The following CTTN variants were observed in gnomAD, a reference collection of about 807,000 sequenced individuals.
CTTN encodes src substrate cortactin.
A neutral mutation model predicts 84.0 loss-of-function variants in CTTN; 28 were observed. The ratio of observed to expected loss-of-function variants is 0.33; its 90% confidence interval spans 0.25 to 0.46. CTTN has a LOEUF of 0.46. Among genes scored for constraint, CTTN ranks in the 20% least tolerant of loss-of-function variants. CTTN has a pLI of 1.00. For missense variants in CTTN, 641 were observed against 723.8 expected, an observed-to-expected ratio of 0.89 and a Z score of 1.31; for synonymous variants, 301 against 288.8, an observed-to-expected ratio of 1.04 and a Z score of -0.43.
chr11:70,419,987 A>T (rs2058211783), intron 9 of CTTN, 131 bp downstream of exon 9: 1 of 693,656 alleles, frequency 1.4e-6, no homozygotes, highest in Non-Finnish European at 2.5e-6. Context: ...TGAAATGCCC[A>T]ACTTGAAAAC....
At chr11:70,427,049 C>T (rs1226820001) in intron 13 of CTTN, among the ~76,000 whole-genome samples, 1 of 151,150 alleles carries the variant, frequency 6.6e-6, no homozygotes, top group African/African-American at 2.4e-5. Context: ...AATTGGTTCA[C>T]TTAAAAAGAA....
rs1396112443 is a variant in CTTN, at chr11:70,429,144, C to T, written c.1121C>T (p.Ala374Val). Residue 374 changes from alanine to valine, a missense_variant, in exon 14 of 18, where the codon GCC becomes GTC. By Grantham distance (64) the Ala-to-Val change is moderately conservative. Transcript: ENST00000301843. ...AGGCGGAAGGCGGAGGCGGAGAGAG[C>T]CCAGCGGATGGCCAAGGAGCGGCAG... ...EDRRKAEAER[A>V]QRMAKERQEQ... The T allele has an allele frequency of 6.2e-7, 1 of 1,613,982 alleles. No homozygotes were observed. Among genetic ancestry groups the T allele is most frequent in the South Asian group, 1.1e-5 (1 of 91,072 alleles).
chr11:70,432,243 C>A (rs1299245743), intron 15 of CTTN, among the ~76,000 whole-genome samples: 1 of 152,188 alleles, frequency 6.6e-6, no homozygotes, highest in Non-Finnish European at 1.5e-5. Flanking sequence ...CTAGTCCCTC[C>A]CCTTGGCAGC....
chr11:70,401,337 G>A lies in CTTN; in HGVS notation c.-98+2723G>A, dbSNP rs545499050. 2.1e-3 allele frequency among the ~76,000 whole-genome samples: 315 copies of A among 152,148 alleles called. 1 individual carries two copies. Among genetic ancestry groups the A allele is most frequent in the Middle Eastern group, 3.4e-3 (1 of 294 alleles). On this transcript the variant is annotated intron_variant, in intron 1 of 17. Transcript: ENST00000301843. The stretch of plus-strand genomic sequence containing the variant: ...AAAAAATACAAAAAATTAGCCGGGC[G>A]TGGTGGTATATGCCTGTAGTCCCAG...
Position 70,407,340 on chromosome 11 carries a change from G to A in CTTN, c.43G>A (p.Asp15Asn). The change falls in exon 3 of 18, where the codon GAT becomes AAT. Residue 15 changes from aspartate to asparagine, a missense_variant. By Grantham distance (23) the Asp-to-Asn change is conservative. Transcript: ENST00000301843. ...SAGHAVSIAQ[D>N]DAGADDWETD... is the part of the protein sequence containing the mutation. ...AGGCCACGCTGTGTCCATCGCCCAG[G>A]ATGACGCGGGGGCCGATGACTGGGA... 1.3e-6 allele frequency: 2 copies of A among 1,561,972 alleles called. No homozygotes were observed. The highest frequency in any genetic ancestry group is 1.7e-6 in the Non-Finnish European group (2 of 1,153,060).
chr11:70,424,830 G>A (rs2058283022), intron 12 of CTTN, among the ~76,000 whole-genome samples: 2 of 152,100 alleles, frequency 1.3e-5, no homozygotes, highest in South Asian at 2.1e-4. Flanking sequence ...AACTGGGTAC[G>A]GCCACTGGTC....
In CTTN at chr11:70,431,284, G is replaced by T. The variant is rs781734005; in HGVS notation, c.1266+4G>T. ...GCCCTCGAGCCCCGTCTATGAGGTT[G>T]GTGTCTTTGGTGTTTGAATGAGCGT... On this transcript the variant is annotated splice_donor_region_variant and intron_variant, in intron 15 of 17. Transcript: ENST00000301843. The T allele has an allele frequency of 5.0e-6, 8 of 1,614,024 alleles. No individual in the cohort carries two copies. The highest frequency in any genetic ancestry group is 5.9e-6 in the Non-Finnish European group (7 of 1,179,918).
intron 13 of CTTN, among the ~76,000 whole-genome samples, chr11:70,428,325 C>T (rs1006538625): frequency 1.3e-5 from 2 of 151,808 alleles, no homozygotes; most frequent in East Asian, 3.9e-4. Context: ...GCCACCAAGC[C>T]CAGCTAATTT....
rs1565501347 is a variant in CTTN at position 70,433,221 on chromosome 11, G to A, written c.1387G>A (p.Ala463Thr). 9 of 1,613,294 alleles carry A rather than the reference G, an allele frequency of 5.6e-6. No homozygotes were observed. Among genetic ancestry groups the A allele is most frequent in the Non-Finnish European group, 6.8e-6 (8 of 1,179,994 alleles). Reference protein sequence around the residue: ...YREASSQQGLAYATEAVYESA... With the variant: ...YREASSQQGLTYATEAVYESA... ...AGAGGCCAGCAGCCAGCAGGGCCTGGCCTATGCCACAGAGGCTGTCTATGA... is the reference window on the plus strand; with the variant it reads ...AGAGGCCAGCAGCCAGCAGGGCCTGACCTATGCCACAGAGGCTGTCTATGA... The change falls in exon 16 of 18, where the codon GCC (alanine) becomes ACC (threonine). Residue 463 changes from alanine to threonine, a missense_variant. Ala to Thr is a moderately conservative substitution (Grantham distance 58). Transcript: ENST00000301843.
chr11:70,407,855 T>C (rs1288601612), intron 4 of CTTN: 2 of 451,838 alleles, frequency 4.4e-6, no homozygotes, highest in Non-Finnish European at 7.8e-6. Flanking sequence ...GTATTTATAA[T>C]TTTAGAGTGT....
At chr11:70,408,224 CT>C (rs2058064565) in intron 4 of CTTN, 1 of 152,280 alleles carries the variant, frequency 6.6e-6, no homozygotes, top group South Asian at 2.1e-4. Flanking sequence ...GTGGATCCTC[CT>C]TTCCCTGGCT....
chr11:70,420,038 C>A, intron 9 of CTTN, 182 bp downstream of exon 9: 1 of 622,028 alleles, frequency 1.6e-6, no homozygotes. Context: ...GAACTCGCAG[C>A]TTGAGTGTTA....
chr11:70,417,033 G>A lies in CTTN; in HGVS notation c.478G>A (p.Gly160Ser), dbSNP rs780364528. The A allele has an allele frequency of 5.6e-6, 9 of 1,614,190 alleles. No individual in the cohort carries two copies. The highest frequency in any genetic ancestry group is 1.1e-5 in the South Asian group (1 of 91,082). The change falls in exon 8 of 18, where the codon GGC becomes AGC. Residue 160 changes from glycine to serine, a missense_variant. Transcript: ENST00000301843. Reference protein sequence around the residue: ...SQKDYSSGFGGKYGVQADRVD... With the variant: ...SQKDYSSGFGSKYGVQADRVD... ...TCCAGACTACTCCAGTGGTTTTGGC[G>A]GCAAGTATGGCGTGCAGGCCGACCG...
intron 13 of CTTN, 139 bp from the exon 14 acceptor site, chr11:70,428,912 G>T: frequency 9.5e-7 from 1 of 1,053,386 alleles, no homozygotes; most frequent in Non-Finnish European, 1.4e-6. Context: ...TGAGCTGGCA[G>T]CTGCAAGAAC....
Position 70,417,134 on chromosome 11 carries a change from C to T in CTTN, c.568+11C>T. 2 of 1,604,506 alleles carry T rather than the reference C, an allele frequency of 1.2e-6. No homozygotes were observed. Among genetic ancestry groups the T allele is most frequent in the South Asian group, 1.1e-5 (1 of 90,892 alleles). On this transcript the variant is annotated intron_variant, in intron 8 of 17. Coordinates refer to ENST00000301843, the MANE Select transcript of CTTN (RefSeq NM_005231.4). Reference sequence around the variant, plus strand: ...ACGAGTCACAGAGAGGTGGGGCGGACCCCACGGTCTGTAATCACGCGTTTG... The same window carrying T: ...ACGAGTCACAGAGAGGTGGGGCGGATCCCACGGTCTGTAATCACGCGTTTG...
At chr11:70,407,963 G>A (rs2135555009) in intron 4 of CTTN, 1 of 207,576 alleles carries the variant, frequency 4.8e-6, no homozygotes, top group East Asian at 1.2e-4. Context: ...CTGAATAACT[G>A]AGACCTTAAA....
intron 12 of CTTN, among the ~76,000 whole-genome samples, chr11:70,423,766 C>T (rs1280842842): frequency 6.6e-6 from 1 of 152,194 alleles, no homozygotes; most frequent in Non-Finnish European, 1.5e-5. Flanking sequence ...CCACACACCA[C>T]AGAGCATTCT....
At chr11:70,415,981 G>A in intron 7 of CTTN, 1 of 436,338 alleles carries the variant, frequency 2.3e-6, no homozygotes, top group Non-Finnish European at 4.2e-6. Flanking sequence ...GTCATTGTGG[G>A]GCTTCTCCCC....
chr11:70,422,881 C>T (rs1049666909), intron 11 of CTTN, 59 bp from the exon 12 acceptor site: 53 of 1,612,332 alleles, frequency 3.3e-5, no homozygotes, highest in Non-Finnish European at 4.2e-5. Context: ...CATGCACCCA[C>T]GGCCACCCCC....
Sources: gnomAD v4.1 joint callset for allele counts (sites outside exome capture counted in the v4.1 genomes callset) on GRCh38, gnomAD v4.1.1 for gene constraint, MANE v1.5 for transcripts, NCBI Gene and HGNC (gene_info 2026-07-23, HGNC 2026-07-21) for gene names.